ANKRD36: variants seen among roughly 807,000 people sequenced by gnomAD.
ANKRD36 encodes ankyrin repeat domain 36.
ANKRD36 carries 179 observed loss-of-function variants against 278.1 expected under a neutral mutation model. The observed-to-expected ratio is 0.64, with a 90% CI of 0.57 to 0.73. The LOEUF is 0.73. ANKRD36 is among the 30% of genes least tolerant of loss of function. The pLI is 0.00. For missense variants in ANKRD36, 1,159 were observed against 1,956.7 expected (o/e 0.59, Z 7.69); for synonymous variants, 320 against 641.1 (o/e 0.50, Z 7.57).
At position 97,201,144 on chromosome 2, in the gene ANKRD36, T is replaced by C. The variant is rs575766036; in HGVS notation, c.2857+619T>C. On this transcript the variant is annotated intron_variant, in intron 46 of 75. Transcript: ENST00000420699. ...AACTGCTGGAAGCAGGAAACAGTGT[T>C]TGAATTGGCATAAAAACACAATAAC... is the stretch of plus-strand genomic sequence containing the variant. Among the ~76,000 whole-genome samples the C allele has an allele frequency of 8.6e-5, 13 of 152,024 alleles. No homozygotes were observed. In the South Asian group the frequency reaches 2.3e-3, roughly 27 times the overall value.
intron 26 of ANKRD36, 51 bp downstream of exon 26, chr2:97,181,844 ACTT>A (rs1258835326): frequency 8.1e-7 from 1 of 1,227,910 alleles, no homozygotes; most frequent in Non-Finnish European, 1.2e-6. Context: ...ATAGAAAAGT[ACTT>A]CTCTTCCCCG....
At position 97,156,013 on chromosome 2, in the gene ANKRD36, T is replaced by C. The variant is rs1051154492; in HGVS notation, c.1260+1272T>C. Among the ~76,000 whole-genome samples, 9 of 146,052 alleles carry C rather than the reference T, an allele frequency of 6.2e-5. 1 individual carries two copies. The highest frequency in any genetic ancestry group is 5.4e-4 in the Admixed American group (8 of 14,788). ...TGTTCTAATGTTGAGAATCTATAAG[T>C]TGAGGTGAGTTATCCTGAGAAAATA... On this transcript the variant is annotated intron_variant, in intron 15 of 75. Coordinates refer to ENST00000420699, the MANE Select transcript of ANKRD36 (RefSeq NM_001354587.1).
intron 8 of ANKRD36, among the ~76,000 whole-genome samples, chr2:97,143,845 A>C (rs1559313904): frequency 6.6e-6 from 1 of 152,158 alleles, no homozygotes; most frequent in East Asian, 1.9e-4. Context: ...TTTGTATATT[A>C]TACTTTCTTG....
At chr2:97,178,014 A>T (rs1214124537) in intron 22 of ANKRD36, among the ~76,000 whole-genome samples, 1 of 149,276 alleles carries the variant, frequency 6.7e-6, no homozygotes, top group Non-Finnish European at 1.5e-5. Flanking sequence ...AAAAGTGGGC[A>T]AAGGACATGA....
At chr2:97,207,020 T>C (rs1356152009) in intron 52 of ANKRD36, among the ~76,000 whole-genome samples, 22 of 151,638 alleles carry the variant, frequency 1.5e-4, no homozygotes, top group Non-Finnish European at 1.5e-5. Context: ...TCATTTTCAA[T>C]GAATATTGCA....
Position 97,193,001 on chromosome 2 carries a change from TTC to T in ANKRD36, c.2399_2400del (p.Ser800CysfsTer15), listed in dbSNP as rs1393639869. On this transcript the variant is annotated frameshift_variant, in exon 38 of 76. Transcript: ENST00000420699. LOFTEE classifies it high-confidence loss of function. ...ALTATSDEEG[S>X]VLSIARENKD... ...TTCAGGCTACAAGTGACGAGGAAGG[TTC>T]TGTTTTGAGTATAGCCAGAGAAAAC... 5 of 1,577,076 alleles carry T rather than the reference TTC, an allele frequency of 3.2e-6. No homozygotes were observed. Among genetic ancestry groups the T allele is most frequent in the Non-Finnish European group, 4.3e-6 (5 of 1,162,150 alleles).
chr2:97,220,774 A>ATTTTTTTTTTTTTTTTTTTTT (rs2067344191), intron 66 of ANKRD36, among the ~76,000 whole-genome samples: 1 of 46,390 alleles, frequency 2.2e-5, no homozygotes, highest in African/African-American at 1.5e-4. Flanking sequence ...TTTTTTTTTT[A>ATTTTTTTTTTTTTTTTTTTTT]ATTTTTTTTT....
At position 97,113,943 on chromosome 2, in the gene ANKRD36, G is replaced by T. The variant is rs777692664; in HGVS notation, c.197+7G>T. ...AGAGAGACAGGAAGGAAAGGTAATG[G>T]GGGCCGGGAGCCGGGGCTGCGGGAG... On this transcript the variant is annotated splice_region_variant and intron_variant, in intron 1 of 75. Transcript: ENST00000420699. 35 of 1,609,692 alleles carry T rather than the reference G, an allele frequency of 2.2e-5. 1 individual carries two copies. Among genetic ancestry groups the T allele is most frequent in the Non-Finnish European group, 3.0e-5 (35 of 1,178,590 alleles).
chr2:97,181,840 A>G (rs756686951), intron 26 of ANKRD36, 47 bp downstream of exon 26: 1 of 1,319,874 alleles, frequency 7.6e-7, no homozygotes, highest in East Asian at 2.3e-5. Flanking sequence ...CAAGATAGAA[A>G]AGTACTTCTC....
At chr2:97,260,947 C>A (rs1304305315) in intron 75 of ANKRD36, among the ~76,000 whole-genome samples, 3 of 127,852 alleles carry the variant, frequency 2.3e-5, no homozygotes, top group African/African-American at 3.4e-5. Context: ...GCCTCCTCAC[C>A]TGTGTCAGAC....
At chr2:97,242,305 AT>A (rs200354109) in intron 69 of ANKRD36, among the ~76,000 whole-genome samples, 19 of 151,426 alleles carry the variant, frequency 1.3e-4, no homozygotes, top group Admixed American at 4.0e-4. Flanking sequence ...AAAAAAAAAA[AT>A]GTATCCAGTT....
At chr2:97,124,983 T>C (rs1467192462) in intron 5 of ANKRD36, among the ~76,000 whole-genome samples, 2 of 151,852 alleles carry the variant, frequency 1.3e-5, no homozygotes, top group Non-Finnish European at 2.9e-5. Flanking sequence ...CAAAAAACCT[T>C]GAGCTGTGTA....
chr2:97,185,590 G>A (rs1256477635), intron 30 of ANKRD36, 80 bp downstream of exon 30: 8 of 1,507,884 alleles, frequency 5.3e-6, no homozygotes, highest in Non-Finnish European at 7.2e-6. Flanking sequence ...ATCAGCGGGG[G>A]GCTCGTCAAA....
At position 97,187,361 on chromosome 2, in the gene ANKRD36, T is replaced by C. The variant is rs2057633965; in HGVS notation, c.2103T>C (p.Asn701=). 6.2e-7 allele frequency: 1 copy of C among 1,609,032 alleles called. No individual in the cohort carries two copies. The highest frequency in any genetic ancestry group is 2.2e-5 in the East Asian group (1 of 44,502). Residue 701 remains asparagine, a synonymous_variant, in exon 32 of 76, where the codon AAT becomes AAC. Transcript: ENST00000420699. The stretch of plus-strand genomic sequence containing the variant: ...CTGACGAGGAAGACTCTGTTTCGAA[T>C]ATAGCCACAGAAATAAAGGATGGAG... ...ATTDEEDSVS[N]IATEIKDGEK...
chr2:97,166,987 A>G (rs1478811247), intron 20 of ANKRD36, among the ~76,000 whole-genome samples: 11 of 151,968 alleles, frequency 7.2e-5, no homozygotes, highest in African/African-American at 2.7e-4. Flanking sequence ...ACATGAAAAA[A>G]GCCTCTGATG....
rs1316386305 is a variant in ANKRD36 at position 97,113,245 on chromosome 2, G to C, written c.-495G>C. On this transcript the variant is annotated 5_prime_UTR_variant, in exon 1 of 76. Coordinates refer to ENST00000420699, the MANE Select transcript of ANKRD36 (RefSeq NM_001354587.1). ...CCGTCCTCCCGCCTCGCACCCATCA[G>C]CGCGGACCCCGGGGGCGACGCAGTG... Among the ~76,000 whole-genome samples the C allele has an allele frequency of 2.0e-5, 3 of 152,114 alleles. No homozygotes were observed. Among genetic ancestry groups the C allele is most frequent in the Non-Finnish European group, 2.9e-5 (2 of 68,006 alleles).
intron 67 of ANKRD36, among the ~76,000 whole-genome samples, chr2:97,230,719 T>C (rs2071674703): frequency 6.6e-6 from 1 of 152,122 alleles, no homozygotes; most frequent in Non-Finnish European, 1.5e-5. Context: ...GGCGCTCTGC[T>C]TTTTAGAGTT....
intron 8 of ANKRD36, among the ~76,000 whole-genome samples, chr2:97,143,891 C>T (rs1263859224): frequency 6.6e-6 from 1 of 151,976 alleles, no homozygotes; most frequent in East Asian, 1.9e-4. Flanking sequence ...GAAGGCTAAA[C>T]TAGAGGATCC....
At chr2:97,147,329 C>G (rs879591440) in intron 11 of ANKRD36, among the ~76,000 whole-genome samples, 3 of 151,754 alleles carry the variant, frequency 2.0e-5, no homozygotes, top group Non-Finnish European at 2.9e-5. Flanking sequence ...TTCACTTTCT[C>G]TACCACTTTT....
Sources: allele counts gnomAD v4.1 joint callset (sites outside exome capture counted in the v4.1 genomes callset), GRCh38; gene constraint gnomAD v4.1.1; transcripts MANE v1.5; gene names NCBI Gene and HGNC (gene_info 2026-07-23, HGNC 2026-07-21).